ADCY9: variants seen among roughly 807,000 people sequenced by gnomAD.
ADCY9 encodes adenylate cyclase 9.
In ADCY9, 50 loss-of-function variants were observed where a neutral mutation model predicts 101.5. The ratio of observed to expected loss-of-function variants is 0.49; its 90% CI spans 0.39 to 0.62. The LOEUF is 0.62. ADCY9 is among the 20% of genes least tolerant of loss of function. The pLI, the probability that ADCY9 is intolerant of heterozygous loss-of-function variation, is 0.00. For synonymous variants in ADCY9, 905 were observed against 769.3 expected (o/e 1.18, Z -2.92); for missense variants, 1,662 against 1,800.4 (o/e 0.92, Z 1.39).
intron 6 of ADCY9, among the ~76,000 whole-genome samples, chr16:3,986,148 CTA>C (rs1271536786): frequency 2.0e-5 from 3 of 152,242 alleles, no homozygotes; most frequent in Non-Finnish European, 4.4e-5. Context: ...CCATGATTAG[CTA>C]TGATACCCAC....
intron 2 of ADCY9, among the ~76,000 whole-genome samples, chr16:4,041,755 G>GGTT (rs1274334787): frequency 0.019 from 2,574 of 135,938 alleles, 83 homozygotes; most frequent in African/African-American, 0.065. Flanking sequence ...GATTTTTTTT[G>GGTT]TTTTTTTTTT....
In ADCY9 at chr16:3,984,325, C is replaced by T. The variant is rs1204733059; in HGVS notation, c.2311-885G>A. On this transcript the variant is annotated intron_variant, in intron 6 of 10. Transcript: ENST00000294016. The stretch of plus-strand genomic sequence containing the variant: ...AAGTGGCCGACGGGGATTTAAGTGG[C>T]ACATCATCGCCTGGGAACCTACGGG... Among the ~76,000 whole-genome samples the T allele has an allele frequency of 2.0e-5, 3 of 152,264 alleles. No homozygotes were observed. In the East Asian group the frequency reaches 5.8e-4, roughly 29 times the overall value.
At chr16:4,024,180 G>A (rs985478675) in intron 2 of ADCY9, among the ~76,000 whole-genome samples, 6 of 151,706 alleles carry the variant, frequency 4.0e-5, no homozygotes, top group Non-Finnish European at 7.4e-5. Context: ...CAACCACCAT[G>A]CCTGGCTAAT....
intron 2 of ADCY9, among the ~76,000 whole-genome samples, chr16:4,047,180 T>A (rs1237307520): frequency 6.6e-6 from 1 of 152,188 alleles, no homozygotes; most frequent in Admixed American, 6.5e-5. Flanking sequence ...TTTTTTAAGT[T>A]CTAAAATATT....
downstream of ADCY9, among the ~76,000 whole-genome samples, chr16:3,959,216 C>T (rs143919811): frequency 1.3e-5 from 2 of 152,176 alleles, no homozygotes; most frequent in Non-Finnish European, 2.9e-5. Flanking sequence ...CAAAAACCAG[C>T]AGGGCGTAGT....
intron 2 of ADCY9, among the ~76,000 whole-genome samples, chr16:4,063,215 T>G (rs2141162224): frequency 6.6e-6 from 1 of 152,222 alleles, no homozygotes; most frequent in East Asian, 1.9e-4. Flanking sequence ...CCCCAACTAC[T>G]TAGAAATTAG....
At chr16:4,051,986 A>G (rs2056704724) in intron 2 of ADCY9, among the ~76,000 whole-genome samples, 1 of 152,208 alleles carries the variant, frequency 6.6e-6, no homozygotes, top group Admixed American at 6.5e-5. Context: ...TACAGTGGAG[A>G]AACCTGGTAG....
At chr16:4,007,965 G>A (rs1161658538) in intron 2 of ADCY9, among the ~76,000 whole-genome samples, 1 of 152,042 alleles carries the variant, frequency 6.6e-6, no homozygotes, top group Admixed American at 6.6e-5. Flanking sequence ...CCTTCCTAAC[G>A]GTCAGTCTAG....
intron 5 of ADCY9, among the ~76,000 whole-genome samples, chr16:3,954,338 A>G (rs910736001): frequency 5.3e-5 from 8 of 151,840 alleles, no homozygotes; most frequent in Admixed American, 3.9e-4. Flanking sequence ...CCTAATTCCA[A>G]TTGGTGGGAT....
chr16:3,965,786 T>C lies in ADCY9; in HGVS notation c.4051A>G (p.Lys1351Glu). Residue 1351 changes from lysine (K) to glutamate (E), a missense_variant, in exon 11 of 11, where the codon AAG (lysine) becomes GAG (glutamate). Lys to Glu is a moderately conservative substitution (Grantham distance 56). This residue lies in a region of ADCY9 where 168 missense variants were observed against 155.3 expected (regional missense o/e 1.08). Coordinates refer to ENST00000294016, the MANE Select transcript of ADCY9 (RefSeq NM_001116.4). ...ANELTKLNVS[K>E]SV is the part of the protein sequence containing the mutation. ...GGGTGGGCGCCGCCTCACACACTCTTTGAAACGTTGAGCTTGGTGAGTTCG... is the reference window on the plus strand; with the variant it reads ...GGGTGGGCGCCGCCTCACACACTCTCTGAAACGTTGAGCTTGGTGAGTTCG... The C allele has an allele frequency of 1.9e-6, 3 of 1,612,634 alleles. No homozygotes were observed. The highest frequency in any genetic ancestry group is 2.5e-6 in the Non-Finnish European group (3 of 1,179,252).
In ADCY9 at chr16:4,084,401, C is replaced by T. The variant is rs111741247; in HGVS notation, c.1693+29349G>A. Among the ~76,000 whole-genome samples the T allele has an allele frequency of 4.1e-3, 623 of 152,108 alleles. 1 individual carries two copies. Among genetic ancestry groups the T allele is most frequent in the African/African-American group, 0.014 (584 of 41,554 alleles). The stretch of plus-strand genomic sequence containing the variant: ...TGCTGGGTTTACAGGCCTGAGCCAC[C>T]GGGCCCAGCCTCAATAAAGCATTTT... On this transcript the variant is annotated intron_variant, in intron 2 of 10. Transcript: ENST00000294016.
chr16:4,097,203 C>A (rs982080922), intron 2 of ADCY9, among the ~76,000 whole-genome samples: 64 of 152,084 alleles, frequency 4.2e-4, no homozygotes, highest in African/African-American at 1.5e-3. Context: ...CACCTCGGAG[C>A]CCACAGTCCC....
chr16:4,068,871 GATCT>G (rs2141167264), intron 2 of ADCY9, among the ~76,000 whole-genome samples: 1 of 150,528 alleles, frequency 6.6e-6, no homozygotes, highest in South Asian at 2.1e-4. Context: ...GGTACACGCA[GATCT>G]ATCTCATTCT....
intron 2 of ADCY9, among the ~76,000 whole-genome samples, chr16:4,103,650 C>T (rs1025921974): frequency 3.9e-5 from 6 of 152,036 alleles, no homozygotes; most frequent in African/African-American, 9.7e-5. Context: ...GCCAATATGG[C>T]GAAACCCCGT....
intron 2 of ADCY9, among the ~76,000 whole-genome samples, chr16:4,050,617 G>A (rs1406992125): frequency 6.7e-6 from 1 of 149,302 alleles, no homozygotes; most frequent in Admixed American, 6.8e-5. Context: ...GGGAGGCTGA[G>A]GCAGGAGAAC....
At chr16:4,109,506 G>C (rs765517913) in intron 2 of ADCY9, among the ~76,000 whole-genome samples, 1 of 152,180 alleles carries the variant, frequency 6.6e-6, no homozygotes, top group African/African-American at 2.4e-5. Flanking sequence ...TACTCTGCAA[G>C]TCCATCCTGC....
chr16:3,974,797 GTTCCTT>G (rs2056080529), intron 9 of ADCY9, 87 bp from the exon 10 acceptor site: 2 of 1,124,992 alleles, frequency 1.8e-6, no homozygotes, highest in Non-Finnish European at 2.7e-6. Flanking sequence ...AACAAACTAT[GTTCCTT>G]TTTTAGACGT....
chr16:3,993,733 G>A lies in ADCY9; in HGVS notation c.1885-223C>T, dbSNP rs946914058. ...CGCAACAGGACCCAAAAATGGAACC[G>A]GGAATGTTCACTGACTGAACAATGG... On this transcript the variant is annotated intron_variant, in intron 3 of 10. Transcript: ENST00000294016. Among the ~76,000 whole-genome samples, 11 of 152,290 alleles carry A rather than the reference G, an allele frequency of 7.2e-5. No homozygotes were observed. In the East Asian group the frequency reaches 9.6e-4, roughly 13 times the overall value.
intron 2 of ADCY9, among the ~76,000 whole-genome samples, chr16:4,103,983 A>G (rs2057060368): frequency 6.6e-6 from 1 of 152,208 alleles, no homozygotes; most frequent in Admixed American, 6.5e-5. Context: ...ATCAAAGCAC[A>G]GCGGTCCTGG....
Sources: gnomAD v4.1 joint callset for allele counts (sites outside exome capture counted in the v4.1 genomes callset) on GRCh38, gnomAD v4.1.1 for gene constraint, gnomAD v4.1.1 regional missense constraint, MANE v1.5 for transcripts, NCBI Gene and HGNC (gene_info 2026-07-23, HGNC 2026-07-21) for gene names.